Variants in KCNC2 observed in about 807,000 individuals in gnomAD.
KCNC2 encodes voltage-gated potassium channel KCNC2.
KCNC2 carries 21 observed loss-of-function variants against 44.5 expected under a neutral mutation model. That is an observed-to-expected ratio of 0.47 (90% CI 0.33 to 0.68). KCNC2 has a LOEUF of 0.68. Ranked by LOEUF, KCNC2 falls within the 30% of genes least tolerant of loss-of-function variation. The probability of loss-of-function intolerance (pLI) is 0.01; values close to 1 mark genes in which losing one functional copy is unlikely to be tolerated. For synonymous variants in KCNC2, 391 were observed against 339.1 expected, an observed-to-expected ratio of 1.15 and a Z score of -1.68; for missense variants, 589 against 826.2, an observed-to-expected ratio of 0.71 and a Z score of 3.52.
chr12:75,175,878 T>A (rs1329718337), intron 2 of KCNC2, among the ~76,000 whole-genome samples: 1 of 152,066 alleles, frequency 6.6e-6, no homozygotes, highest in Non-Finnish European at 1.5e-5. Context: ...GGATGTCCAG[T>A]TAAATCTGAA....
chr12:75,197,531 T>C (rs1427397211), intron 2 of KCNC2, among the ~76,000 whole-genome samples: 2 of 152,052 alleles, frequency 1.3e-5, no homozygotes, highest in Non-Finnish European at 2.9e-5. Context: ...ACTATAACTG[T>C]GAATTTATAG....
In KCNC2 at chr12:75,042,728, T is replaced by A. The variant is rs1392654402; in HGVS notation, c.*377A>T. On this transcript the variant is annotated 3_prime_UTR_variant, in exon 5 of 5. Coordinates refer to ENST00000549446, the MANE Select transcript of KCNC2 (RefSeq NM_139137.4). ...AGGATCCCAGACATCTTCAGAATGG[T>A]TTACAGTCACAAGAAATAAAGTTCC... 8.6e-7 allele frequency: 1 copy of A among 1,158,964 alleles called. No homozygotes were observed. Among genetic ancestry groups the A allele is most frequent in the African/African-American group, 1.6e-5 (1 of 62,426 alleles). The allele number at this position is 1,158,964 out of a possible 1,614,324, so 71.8% of individuals were successfully genotyped here.
At chr12:75,055,859 A>C (rs967138127) in intron 2 of KCNC2, among the ~76,000 whole-genome samples, 13 of 152,072 alleles carry the variant, frequency 8.5e-5, no homozygotes, top group Admixed American at 6.6e-4. Flanking sequence ...TAATAGGCAG[A>C]GAGAAAGTGA....
chr12:75,111,486 T>C (rs1287695351), intron 2 of KCNC2, among the ~76,000 whole-genome samples: 1 of 152,070 alleles, frequency 6.6e-6, no homozygotes, highest in East Asian at 1.9e-4. Flanking sequence ...CTAAAGAATA[T>C]GCCAAAGAGT....
intron 2 of KCNC2, among the ~76,000 whole-genome samples, chr12:75,193,595 A>G (rs2030499659): frequency 1.3e-5 from 2 of 152,224 alleles, no homozygotes; most frequent in South Asian, 4.1e-4. Flanking sequence ...TGGTGTGATA[A>G]AGAAAAGTGG....
rs77247651 is a variant in KCNC2, at chr12:75,166,084, A to G, written c.687+41213T>C. On this transcript the variant is annotated intron_variant, in intron 2 of 4. Coordinates refer to ENST00000549446, the MANE Select transcript of KCNC2 (RefSeq NM_139137.4). The stretch of plus-strand genomic sequence containing the variant: ...AAAATATATACCACATACCATGCAA[A>G]TAGCAATCAAAAGACAGCTGTAGAG... 9.2e-3 allele frequency among the ~76,000 whole-genome samples: 1,395 copies of G among 151,538 alleles called. 17 individuals carry two copies. Among genetic ancestry groups the G allele is most frequent in the African/African-American group, 0.032 (1,308 of 41,478 alleles).
At chr12:75,068,116 G>A (rs977523265) in intron 2 of KCNC2, among the ~76,000 whole-genome samples, 2 of 152,114 alleles carry the variant, frequency 1.3e-5, no homozygotes, top group African/African-American at 4.8e-5. Flanking sequence ...CACATCTGGA[G>A]GGATAGACCC....
Position 75,041,124 on chromosome 12 carries a change from G to A in KCNC2, c.*1981C>T. ...AGGGCACATTCAGCAGCAGAAGTCT[G>A]TTTCCAGTATAGTCCTTGGTATGGC... is the stretch of plus-strand genomic sequence containing the variant. On this transcript the variant is annotated 3_prime_UTR_variant, in exon 5 of 5. Transcript: ENST00000549446. 6.3e-7 allele frequency: 1 copy of A among 1,596,642 alleles called. No homozygotes were observed. The highest frequency in any genetic ancestry group is 1.1e-5 in the South Asian group (1 of 91,056).
Position 75,171,704 on chromosome 12 carries a change from A to T in KCNC2, c.687+35593T>A, listed in dbSNP as rs904416107. Among the ~76,000 whole-genome samples the T allele has an allele frequency of 2.0e-5, 3 of 152,016 alleles. No individual in the cohort carries two copies. In the South Asian group the frequency reaches 6.2e-4, roughly 31 times the overall value. Reference sequence around the variant, plus strand: ...AAGTTCTAGTGTTTGACAGCGCAGTAGAATGACTATAGTTAATAAGAATTT... The same window carrying T: ...AAGTTCTAGTGTTTGACAGCGCAGTTGAATGACTATAGTTAATAAGAATTT... On this transcript the variant is annotated intron_variant, in intron 2 of 4. Coordinates refer to ENST00000549446, the MANE Select transcript of KCNC2 (RefSeq NM_139137.4).
At chr12:75,080,474 G>A (rs1884394682) in intron 2 of KCNC2, among the ~76,000 whole-genome samples, 2 of 151,920 alleles carry the variant, frequency 1.3e-5, no homozygotes, top group South Asian at 2.1e-4. Flanking sequence ...AACTAGCCAT[G>A]CATAAAGGGA....
intron 2 of KCNC2, among the ~76,000 whole-genome samples, chr12:75,204,061 T>A (rs532976512): frequency 6.6e-6 from 1 of 152,112 alleles, no homozygotes; most frequent in East Asian, 1.9e-4. Flanking sequence ...TTTGTAAATA[T>A]CACTCACTAG....
chr12:75,078,128 T>C (rs1234102258), intron 2 of KCNC2, among the ~76,000 whole-genome samples: 3 of 152,182 alleles, frequency 2.0e-5, no homozygotes, highest in Admixed American at 2.0e-4. Context: ...CCTGGGTACC[T>C]TGTTTATAAT....
At chr12:75,172,742 A>G (rs2137590039) in intron 2 of KCNC2, among the ~76,000 whole-genome samples, 1 of 151,996 alleles carries the variant, frequency 6.6e-6, no homozygotes, top group African/African-American at 2.4e-5. Flanking sequence ...TTAAGTGAAT[A>G]TGCCTCAACC....
intron 3 of KCNC2, among the ~76,000 whole-genome samples, chr12:75,048,548 G>T (rs565333967): frequency 6.6e-6 from 1 of 152,102 alleles, no homozygotes; most frequent in African/African-American, 2.4e-5. Context: ...ATTCCATTTT[G>T]GATTTTATCT....
intron 2 of KCNC2, among the ~76,000 whole-genome samples, chr12:75,138,536 T>G (rs771118436): frequency 1.3e-5 from 2 of 152,220 alleles, no homozygotes; most frequent in Admixed American, 6.5e-5. Context: ...AACGTCCATA[T>G]TTTAATAGCC....
chr12:75,140,333 C>T (rs1470539183), intron 2 of KCNC2: 1 of 152,030 alleles, frequency 6.6e-6, no homozygotes, highest in Non-Finnish European at 1.5e-5. Context: ...GGAGATTACA[C>T]AAAAATGTGG....
chr12:75,139,414 A>G (rs953926907), intron 2 of KCNC2, among the ~76,000 whole-genome samples: 2 of 152,244 alleles, frequency 1.3e-5, no homozygotes, highest in Non-Finnish European at 2.9e-5. Flanking sequence ...CTCTGCTTTA[A>G]AAACAGCAGC....
chr12:75,062,691 T>C (rs1436686953), intron 2 of KCNC2, among the ~76,000 whole-genome samples: 2 of 152,062 alleles, frequency 1.3e-5, no homozygotes, highest in Admixed American at 1.3e-4. Flanking sequence ...ATTGTTTTCA[T>C]AGATTATTTA....
Position 75,207,846 on chromosome 12 carries a change from G to GCGA in KCNC2, c.137_138insTCG (p.Cys46_Leu47insArg). The GCGA allele has an allele frequency of 6.2e-7, 1 of 1,611,224 alleles. No individual in the cohort carries two copies. Among genetic ancestry groups the GCGA allele is most frequent in the Non-Finnish European group, 8.5e-7 (1 of 1,179,582 alleles). ...GCAGCTTGTCGCCCGCCGTGGTCAAGCAGTCGCCTGGGGGCTCGGAGGAGG... is the reference window on the plus strand; with the variant it reads ...GCAGCTTGTCGCCCGCCGTGGTCAAGCGACAGTCGCCTGGGGGCTCGGAGGAGG... On this transcript the variant is annotated inframe_insertion, in exon 2 of 5. Transcript: ENST00000549446. This position sits in a 1 kb window ranked among gnomAD's most constrained non-coding sequence, Gnocchi z 4.1.
Sources: allele counts gnomAD v4.1 joint callset (sites outside exome capture counted in the v4.1 genomes callset), GRCh38; gene constraint gnomAD v4.1.1; non-coding constraint Gnocchi (gnomAD v3.1); transcripts MANE v1.5; gene names NCBI Gene and HGNC (gene_info 2026-07-23, HGNC 2026-07-21).